The following NHERF2 variants were observed in gnomAD, a reference collection of about 807,000 sequenced individuals.
NHERF2 encodes Na(+)/H(+) exchange regulatory cofactor NHE-RF2.
the NHERF2 span, chr16:2,032,989 T>C: frequency 2.6e-6 from 3 of 1,135,144 alleles, no homozygotes; most frequent in African/African-American, 1.7e-5. The surrounding 1 kb of genome is among the most constrained non-coding windows in gnomAD (Gnocchi z 4.0). Context: ...GCTTCCGGGC[T>C]TCCCTGGCTC....
the NHERF2 span, chr16:2,035,422 G>A: frequency 1.0e-6 from 1 of 985,906 alleles, no homozygotes; most frequent in Non-Finnish European, 1.2e-6. Flanking sequence ...GGTCCCTCAG[G>A]GACACACAGG....
At chr16:2,029,967 G>T in the NHERF2 span, among the ~76,000 whole-genome samples, 1 of 152,200 alleles carries the variant, frequency 6.6e-6, no homozygotes. Context: ...CCCTCAGCCT[G>T]TGTTTTAAAC....
the NHERF2 span, among the ~76,000 whole-genome samples, chr16:2,027,380 C>T: frequency 5.3e-5 from 8 of 152,048 alleles, no homozygotes; most frequent in Non-Finnish European, 7.4e-5. Context: ...GCGCAGGAAG[C>T]TCAGTCCTGC....
At chr16:2,035,328 G>C in the NHERF2 span, 1 of 876,778 alleles carries the variant, frequency 1.1e-6, no homozygotes, top group East Asian at 1.2e-4. Context: ...GGGGTTGGGG[G>C]TGTCTGAGGC....
the NHERF2 span, chr16:2,027,143 G>A: frequency 1.4e-6 from 2 of 1,475,418 alleles, no homozygotes; most frequent in Non-Finnish European, 1.8e-6. Flanking sequence ...CCCCCGCCGA[G>A]GCCGCCGCGC....
chr16:2,027,551 C>T, the NHERF2 span, among the ~76,000 whole-genome samples: 2 of 152,254 alleles, frequency 1.3e-5, no homozygotes, highest in African/African-American at 2.4e-5. Context: ...GTGCTTTTGC[C>T]TGGGTGTGTG....
chr16:2,038,229 GAGAGAGAGAGACACAGAGAGAGAC>G, the NHERF2 span: 2 of 589,700 alleles, frequency 3.4e-6, no homozygotes, highest in Non-Finnish European at 6.0e-6. Flanking sequence ...GACAGAGAGA[GAGAGAGAGAGACACAGAGAGAGAC>G]AGAGAGAGAG....
At chr16:2,036,473 T>C in the NHERF2 span, 1 of 1,599,490 alleles carries the variant, frequency 6.3e-7, no homozygotes, top group Non-Finnish European at 8.5e-7. Flanking sequence ...CCGCCCGCTC[T>C]GGCCTCCGCG....
At chr16:2,029,028 C>T in the NHERF2 span, among the ~76,000 whole-genome samples, 2 of 152,170 alleles carry the variant, frequency 1.3e-5, no homozygotes, top group African/African-American at 2.4e-5. Context: ...GGGCCCATGG[C>T]CATGGCCTGG....
At chr16:2,034,915 C>A in the NHERF2 span, among the ~76,000 whole-genome samples, 13 of 152,234 alleles carry the variant, frequency 8.5e-5, no homozygotes, top group African/African-American at 3.1e-4. Context: ...TGAAGCCCCA[C>A]GCCTGTGCCA....
At chr16:2,033,302 C>T in the NHERF2 span, 1 of 1,532,694 alleles carries the variant, frequency 6.5e-7, no homozygotes, top group Non-Finnish European at 8.7e-7. Flanking sequence ...CCAGAGAGTT[C>T]AGGCCACCCC....
chr16:2,032,874 C>T, the NHERF2 span: 1 of 1,019,734 alleles, frequency 9.8e-7, no homozygotes, highest in East Asian at 1.1e-4. This position sits in a 1 kb window ranked among gnomAD's most constrained non-coding sequence, Gnocchi z 4.0. Flanking sequence ...GCCCCTAGCC[C>T]ATGTCTCCAC....
At chr16:2,028,680 C>G in the NHERF2 span, among the ~76,000 whole-genome samples, 1 of 152,124 alleles carries the variant, frequency 6.6e-6, no homozygotes, top group Non-Finnish European at 1.5e-5. Context: ...CTGGCTCAGT[C>G]CCTCCTATCT....
the NHERF2 span, chr16:2,036,328 T>A: frequency 6.2e-7 from 1 of 1,606,736 alleles, no homozygotes; most frequent in Non-Finnish European, 8.5e-7. Flanking sequence ...CTGCAGGATG[T>A]CAGTGGGCCC....
At chr16:2,028,923 C>T in the NHERF2 span, among the ~76,000 whole-genome samples, 1 of 152,348 alleles carries the variant, frequency 6.6e-6, no homozygotes, top group East Asian at 1.9e-4. Context: ...GCCTCTCCCC[C>T]TCGCCGGCTG....
At chr16:2,032,679 T>G in the NHERF2 span, 1 of 349,018 alleles carries the variant, frequency 2.9e-6, no homozygotes, top group Non-Finnish European at 4.0e-6. The surrounding 1 kb of genome is among the most constrained non-coding windows in gnomAD (Gnocchi z 4.0). Context: ...GGCCCCTCCT[T>G]TTGGGGGCCG....
At chr16:2,038,311 CG>C in the NHERF2 span, 8 of 531,556 alleles carry the variant, frequency 1.5e-5, no homozygotes, top group Admixed American at 2.3e-4. Context: ...GCTGCTCTGC[CG>C]GGGCCTGCTG....
chr16:2,035,420 A>G, the NHERF2 span: 17 of 985,300 alleles, frequency 1.7e-5, no homozygotes, highest in Non-Finnish European at 1.9e-5. Context: ...GTGGTCCCTC[A>G]GGGACACACA....
the NHERF2 span, chr16:2,036,229 G>A: frequency 8.9e-5 from 116 of 1,304,778 alleles, no homozygotes; most frequent in African/African-American, 5.2e-4. Flanking sequence ...TGGGGGGCAC[G>A]GTACCGAGTT....
Sources: allele counts gnomAD v4.1 joint callset (sites outside exome capture counted in the v4.1 genomes callset), GRCh38; gene constraint gnomAD v4.1.1; non-coding constraint Gnocchi (gnomAD v3.1); transcripts MANE v1.5; gene names NCBI Gene and HGNC (gene_info 2026-07-23, HGNC 2026-07-21).